Variants in SGCD observed in about 807,000 individuals in gnomAD.
SGCD encodes delta-sarcoglycan.
Under a neutral mutation model 36.6 loss-of-function variants are expected in SGCD, and 18 were observed. The observed-to-expected ratio is 0.49, with a 90% CI of 0.34 to 0.73. The LOEUF is 0.73. SGCD is among the 30% of genes least tolerant of loss of function. The pLI, the probability that SGCD is intolerant of heterozygous loss-of-function variation, is 0.01. For synonymous variants in SGCD, 133 were observed against 130.6 expected (o/e 1.02, Z -0.12); for missense variants, 387 against 346.7 (o/e 1.12, Z -0.92).
At chr5:156,216,945 G>T (rs1465470075) in intron 3 of SGCD, among the ~76,000 whole-genome samples, 1 of 152,152 alleles carries the variant, frequency 6.6e-6, no homozygotes, top group Non-Finnish European at 1.5e-5. Context: ...CAAGCATGGT[G>T]GCTGGAGCCT....
intron 4 of SGCD, among the ~76,000 whole-genome samples, chr5:156,569,361 G>A (rs545497692): frequency 6.6e-6 from 1 of 152,204 alleles, no homozygotes; most frequent in African/African-American, 2.4e-5. Flanking sequence ...GGAGGCCGAG[G>A]CAGGCGGATC....
chr5:156,320,097 ATGTG>A (rs10535885), intron 3 of SGCD, among the ~76,000 whole-genome samples: 24,740 of 145,600 alleles, frequency 0.17, 2,147 homozygotes, highest in South Asian at 0.26. Flanking sequence ...AGCCTTTGAT[ATGTG>A]TGTGTGTGTG....
intron 3 of SGCD, among the ~76,000 whole-genome samples, chr5:156,351,603 G>GTCATCATCA (rs141077881): frequency 1.5e-4 from 22 of 149,210 alleles, no homozygotes; most frequent in African/African-American, 4.4e-4. Flanking sequence ...TATCGTCGTA[G>GTCATCATCA]TCATCATCAT....
intron 6 of SGCD, among the ~76,000 whole-genome samples, chr5:156,622,816 G>A (rs570362659): frequency 6.6e-6 from 1 of 152,178 alleles, no homozygotes; most frequent in South Asian, 2.1e-4. Flanking sequence ...AGAGTAGGAC[G>A]AAACCTATTA....
At chr5:156,630,778 A>G (rs1561826584) in intron 6 of SGCD, among the ~76,000 whole-genome samples, 1 of 152,202 alleles carries the variant, frequency 6.6e-6, no homozygotes, top group Non-Finnish European at 1.5e-5. Context: ...AGTGCTGGAT[A>G]GTAAGATTTG....
chr5:156,716,288 C>T (rs1044320316), intron 7 of SGCD, among the ~76,000 whole-genome samples: 1 of 152,184 alleles, frequency 6.6e-6, no homozygotes, highest in African/African-American at 2.4e-5. Context: ...ACTCAAACCT[C>T]ACCACTTCCT....
the SGCD span, among the ~76,000 whole-genome samples, chr5:155,743,349 A>G: frequency 6.6e-6 from 1 of 152,220 alleles, no homozygotes; most frequent in East Asian, 1.9e-4. Context: ...AACTAAGTTC[A>G]AAGACCAATA....
chr5:156,226,970 T>C lies in SGCD; in HGVS notation c.-43-102564T>C, dbSNP rs371770162. Among the ~76,000 whole-genome samples the C allele has an allele frequency of 8.5e-5, 13 of 152,240 alleles. No homozygotes were observed. The South Asian group carries it at 2.7e-3, about 32-fold the overall frequency. On this transcript the variant is annotated intron_variant, in intron 3 of 9. Transcript: ENST00000517913. Reference sequence around the variant, plus strand: ...GTTTCTTTCTTGCTTGCTTATTTTTTTGAGATCGTTGTAGATTCTAGATAT... The same window carrying C: ...GTTTCTTTCTTGCTTGCTTATTTTTCTGAGATCGTTGTAGATTCTAGATAT...
intron 2 of SGCD, among the ~76,000 whole-genome samples, chr5:156,118,368 C>T (rs962732331): frequency 1.3e-5 from 2 of 152,026 alleles, no homozygotes; most frequent in African/African-American, 4.8e-5. Context: ...GGACCACTTC[C>T]CTGGTAACAA....
At chr5:156,348,240 G>A (rs1208105675) in intron 3 of SGCD, among the ~76,000 whole-genome samples, 1 of 151,824 alleles carries the variant, frequency 6.6e-6, no homozygotes, top group Non-Finnish European at 1.5e-5. Flanking sequence ...ATATATGTAG[G>A]GGAAGTCCTA....
chr5:156,702,477 C>T (rs32083), intron 7 of SGCD, among the ~76,000 whole-genome samples: 138,738 of 152,096 alleles, frequency 0.91, 63,406 homozygotes, highest in East Asian at 0.99. Flanking sequence ...ATACTCAGGG[C>T]GGGGAAGCGT....
intron 7 of SGCD, among the ~76,000 whole-genome samples, chr5:156,705,303 C>T (rs1001864307): frequency 2.8e-4 from 43 of 152,188 alleles, no homozygotes; most frequent in African/African-American, 1.0e-3. Context: ...AATATATTTG[C>T]TACATTTTCT....
intron 3 of SGCD, among the ~76,000 whole-genome samples, chr5:156,477,685 CAAAAAA>C (rs11411986): frequency 2.0e-5 from 2 of 102,182 alleles, no homozygotes; most frequent in Admixed American, 1.1e-4. Context: ...AGTATTTGAG[CAAAAAA>C]AAAAAAAAAA....
At chr5:155,878,178 A>T (rs1445101015) in intron 1 of SGCD, among the ~76,000 whole-genome samples, 1 of 152,138 alleles carries the variant, frequency 6.6e-6, no homozygotes, top group Non-Finnish European at 1.5e-5. Flanking sequence ...AACAACAACA[A>T]AAAAGTGATA....
chr5:156,203,660 AT>A lies in SGCD; in HGVS notation c.-44+79644del, dbSNP rs1764203309. Among the ~76,000 whole-genome samples, 5 of 152,240 alleles carry A rather than the reference AT, an allele frequency of 3.3e-5. No homozygotes were observed. In the South Asian group the frequency reaches 1.0e-3, roughly 32 times the overall value. ...CTGATTTGTAAAGTCCCTCAAAATA[AT>A]TTATAGACAGTTCCTGGAGACTTCT... On this transcript the variant is annotated intron_variant, in intron 3 of 9. Transcript: ENST00000517913.
intron 3 of SGCD, among the ~76,000 whole-genome samples, chr5:156,251,400 T>C (rs1326856909): frequency 1.3e-5 from 2 of 152,210 alleles, no homozygotes; most frequent in African/African-American, 4.8e-5. Flanking sequence ...ACAGTTTGGA[T>C]TGGATCTTTC....
chr5:156,076,872 T>C (rs1760799977), intron 1 of SGCD, among the ~76,000 whole-genome samples: 1 of 152,320 alleles, frequency 6.6e-6, no homozygotes, highest in African/African-American at 2.4e-5. Context: ...GTATAAGGCG[T>C]CAATGACTTC....
chr5:156,674,566 A>G (rs527407746), intron 7 of SGCD, among the ~76,000 whole-genome samples: 1 of 152,254 alleles, frequency 6.6e-6, no homozygotes, highest in Admixed American at 6.5e-5. Flanking sequence ...AGGCAAGGGG[A>G]GACTATCATA....
chr5:156,090,398 A>T (rs1350800104), intron 1 of SGCD, among the ~76,000 whole-genome samples: 1 of 152,158 alleles, frequency 6.6e-6, no homozygotes, highest in East Asian at 1.9e-4. Context: ...GTGCCATTAC[A>T]TATTGGTAGG....
Sources: gnomAD v4.1 joint callset for allele counts (sites outside exome capture counted in the v4.1 genomes callset) on GRCh38, gnomAD v4.1.1 for gene constraint, MANE v1.5 for transcripts, NCBI Gene and HGNC (gene_info 2026-07-23, HGNC 2026-07-21) for gene names.